The following SZT2 variants were observed in gnomAD, a reference collection of about 807,000 sequenced individuals.
SZT2 encodes the protein SZT2 subunit of KICSTOR complex, also known as KICSTOR complex protein SZT2.
A neutral mutation model predicts 404.2 loss-of-function variants in SZT2; 216 were observed. The observed-to-expected ratio is 0.53, with a 90% CI of 0.48 to 0.60. The LOEUF is 0.60. Among genes scored for constraint, SZT2 ranks in the 20% least tolerant of loss-of-function variants. The pLI, the probability that SZT2 is intolerant of heterozygous loss-of-function variation, is 0.00. For missense variants in SZT2, 3,857 were observed against 4,459.2 expected (o/e 0.86, Z 3.85); for synonymous variants, 1,693 against 1,749.9 (o/e 0.97, Z 0.81).
intron 65 of SZT2, 197 bp downstream of exon 65, chr1:43,446,613 T>A: frequency 1.5e-6 from 1 of 685,766 alleles, no homozygotes; most frequent in Non-Finnish European, 2.5e-6. Context: ...ACCCCATCGG[T>A]CATCCAAAGC....
intron 52 of SZT2, among the ~76,000 whole-genome samples, chr1:43,440,851 C>T (rs1262388785): frequency 6.6e-6 from 1 of 152,238 alleles, no homozygotes; most frequent in East Asian, 1.9e-4. Context: ...GCCTGGGCAA[C>T]ACACAAACAC....
intron 25 of SZT2, 26 bp downstream of exon 25, chr1:43,427,471 A>C: frequency 6.2e-7 from 1 of 1,611,976 alleles, no homozygotes; most frequent in African/African-American, 1.3e-5. Flanking sequence ...CAAGGTGGGC[A>C]GGAGTGGGAG....
intron 42 of SZT2, chr1:43,436,834 G>T (rs1570693592): frequency 3.1e-6 from 1 of 324,206 alleles, no homozygotes; most frequent in East Asian, 6.2e-5. Context: ...AGGACATAGT[G>T]TTAGAGTGCT....
In SZT2 at chr1:43,453,793, T is replaced by C. The variant is rs967666171; in HGVS notation, c.*3313T>C. 7.9e-7 allele frequency: 1 copy of C among 1,267,264 alleles called. No individual in the cohort carries two copies. The highest frequency in any genetic ancestry group is 9.9e-7 in the Non-Finnish European group (1 of 1,009,556). 78.5% of individuals were successfully genotyped at this position (1,267,264 alleles called of 1,614,324 possible). On this transcript the variant is annotated 3_prime_UTR_variant, in exon 72 of 72. Coordinates refer to ENST00000634258, the MANE Select transcript of SZT2 (RefSeq NM_001365999.1). ...TTGGCGGAGAAGCGCAGCGGCGCCA[T>C]GCCTGGGGAGGCCGGGCCGGGCGGA...
Position 43,442,720 on chromosome 1 carries a change from A to T in SZT2, c.8152-99A>T. On this transcript the variant is annotated intron_variant, in intron 58 of 71. Transcript: ENST00000634258. The surrounding 1 kb of genome is among the most constrained non-coding windows in gnomAD (Gnocchi z 4.5). ...GAAAGATGGGACAGACTGAGGGCAG[A>T]GGTAGTGGGGAGGGAGAGTCTGAGA... 1.3e-6 allele frequency: 2 copies of T among 1,535,418 alleles called. No individual in the cohort carries two copies. Among genetic ancestry groups the T allele is most frequent in the East Asian group, 4.5e-5 (2 of 44,258 alleles).
intron 26 of SZT2, 128 bp downstream of exon 26, chr1:43,427,862 C>T (rs1374829759): frequency 1.0e-5 from 14 of 1,348,338 alleles, no homozygotes; most frequent in Non-Finnish European, 3.1e-6. Context: ...CTTGATTTCC[C>T]TCAGCAAACC....
Position 43,403,241 on chromosome 1 carries a change from G to A in SZT2, c.92G>A (p.Arg31His), listed in dbSNP as rs772662249. 1.4e-5 allele frequency: 23 copies of A among 1,613,972 alleles called. No individual in the cohort carries two copies. The highest frequency in any genetic ancestry group is 2.7e-5 in the African/African-American group (2 of 74,906). The change falls in exon 2 of 72, where the codon CGC becomes CAC. Residue 31 changes from arginine to histidine, a missense_variant. This residue lies in a region of SZT2 where 536 missense variants were observed against 637.4 expected (regional missense o/e 0.84). Transcript: ENST00000634258. ...GATTATCGAATCTCCCGAAATGTTC[G>A]CCTGGCTTGGTTCCTCAGTCATCTG... ...KKDYRISRNVRLAWFLSHLHQ... is the reference protein window; with the variant it reads ...KKDYRISRNVHLAWFLSHLHQ...
rs765828066 is a variant in SZT2 at position 43,443,753 on chromosome 1, G to A, written c.8782G>A (p.Gly2928Ser). 1.9e-6 allele frequency: 3 copies of A among 1,614,136 alleles called. No homozygotes were observed. The Admixed American group carries it at 5.0e-5, about 27-fold the overall frequency. ...ATATGTGCAGTATCTGCAGAGCATA[G>A]GTTTTGTGCTGGTACCACTGCGGCC... ...QQYVQYLQSI[G>S]FVLVPLRPPS... The change falls in exon 62 of 72, where the codon GGT (glycine) becomes AGT (serine). Residue 2928 changes from glycine to serine, a missense_variant. Physicochemically the swap from Gly to Ser is moderately conservative, Grantham distance 56 (BLOSUM62 0). Coordinates refer to ENST00000634258, the MANE Select transcript of SZT2 (RefSeq NM_001365999.1).
In SZT2 at chr1:43,437,173, T is replaced by C; in HGVS notation, c.6037T>C (p.Tyr2013His). 6.2e-7 allele frequency: 1 copy of C among 1,614,146 alleles called. No homozygotes were observed. The highest frequency in any genetic ancestry group is 8.5e-7 in the Non-Finnish European group (1 of 1,180,038). Residue 2013 changes from tyrosine to histidine, a missense_variant and splice_region_variant, in exon 43 of 72, where the codon TAT becomes CAT. Coordinates refer to ENST00000634258, the MANE Select transcript of SZT2 (RefSeq NM_001365999.1). This position sits in a 1 kb window ranked among gnomAD's most constrained non-coding sequence, Gnocchi z 5.3. ...AATCCCTGCTCCCCCTCACCCAGATTATGCTGCTGATGAGAGCTGTGCGCC... is the reference window on the plus strand; with the variant it reads ...AATCCCTGCTCCCCCTCACCCAGATCATGCTGCTGATGAGAGCTGTGCGCC... ...RQRAPLPSDD[Y>H]AADESCAPRG... is the part of the protein sequence containing the mutation.
In SZT2 at chr1:43,420,433, C is replaced by A; in HGVS notation, c.1261+110C>A. The A allele has an allele frequency of 7.5e-7, 1 of 1,330,428 alleles. No individual in the cohort carries two copies. Among genetic ancestry groups the A allele is most frequent in the Non-Finnish European group, 1.0e-6 (1 of 1,000,124 alleles). 82.4% of individuals were successfully genotyped at this position (1,330,428 alleles called of 1,614,324 possible). On this transcript the variant is annotated intron_variant, in intron 9 of 71. Transcript: ENST00000634258. The surrounding 1 kb of genome is among the most constrained non-coding windows in gnomAD (Gnocchi z 5.1). ...GAGTGTCACATTGAAGTCCTTATCA[C>A]TTGAGACAGTGGGTTTTGAATTGTC...
Position 43,425,668 on chromosome 1 carries a change from C to T in SZT2, c.2814+26C>T. On this transcript the variant is annotated intron_variant, in intron 19 of 71. Coordinates refer to ENST00000634258, the MANE Select transcript of SZT2 (RefSeq NM_001365999.1). The surrounding 1 kb of genome is among the most constrained non-coding windows in gnomAD (Gnocchi z 4.3). ...GTGAGTGTCCTCAGAACAGTACCCGCACCTCTCTCACTGGATTGGGGTGCC... is the reference window on the plus strand; with the variant it reads ...GTGAGTGTCCTCAGAACAGTACCCGTACCTCTCTCACTGGATTGGGGTGCC... 2 of 1,611,448 alleles carry T rather than the reference C, an allele frequency of 1.2e-6. No individual in the cohort carries two copies. The highest frequency in any genetic ancestry group is 1.1e-5 in the South Asian group (1 of 90,976).
intron 15 of SZT2, among the ~76,000 whole-genome samples, chr1:43,423,621 T>C (rs1652740694): frequency 7.7e-6 from 1 of 130,122 alleles, no homozygotes; most frequent in African/African-American, 3.0e-5. Context: ...GTGGAGGGCA[T>C]GGCTTAGCCC....
In SZT2 at chr1:43,406,245, A is replaced by C. The variant is rs549124571; in HGVS notation, c.498+1695A>C. The C allele has an allele frequency of 5.5e-5, 18 of 324,834 alleles. No homozygotes were observed. The East Asian group carries it at 2.3e-3, about 42-fold the overall frequency. The allele number at this position is 324,834 out of a possible 1,614,324, so 20.1% of individuals were successfully genotyped here. A position where few individuals can be genotyped will look rare whatever the true frequency, so the allele number is the denominator to read the frequency against. On this transcript the variant is annotated intron_variant, in intron 4 of 71. Coordinates refer to ENST00000634258, the MANE Select transcript of SZT2 (RefSeq NM_001365999.1). ...TGGGATTACAGGTGCCCACTACCAC[A>C]CCCGGCTAATTTTTGTTTTTTTTGT...
chr1:43,414,235 G>A (rs974097130), intron 4 of SZT2, among the ~76,000 whole-genome samples: 14 of 151,866 alleles, frequency 9.2e-5, no homozygotes, highest in African/African-American at 1.5e-4. Flanking sequence ...AGCCAAGATC[G>A]CACCTGCACT....
intron 29 of SZT2, 78 bp downstream of exon 29, chr1:43,429,922 G>A (rs1006320279): frequency 6.2e-7 from 1 of 1,611,860 alleles, no homozygotes; most frequent in African/African-American, 1.3e-5. Context: ...CCTGGGCGGG[G>A]GGTATGCATG....
chr1:43,434,607 T>C, intron 41 of SZT2, 122 bp downstream of exon 41: 1 of 895,232 alleles, frequency 1.1e-6, no homozygotes, highest in Non-Finnish European at 1.7e-6. Context: ...AGTTTTTGAC[T>C]TCCCCAGTTA....
Position 43,439,373 on chromosome 1 carries a change from C to T in SZT2, c.6808C>T (p.Gln2270Ter). 6.2e-7 allele frequency: 1 copy of T among 1,614,072 alleles called. No homozygotes were observed. Among genetic ancestry groups the T allele is most frequent in the Non-Finnish European group, 8.5e-7 (1 of 1,180,002 alleles). Residue 2270 changes from glutamine to a stop codon, truncating the protein, a stop_gained, in exon 49 of 72, where the codon CAG becomes TAG. Transcript: ENST00000634258. LOFTEE classifies it high-confidence loss of function. This position sits in a 1 kb window ranked among gnomAD's most constrained non-coding sequence, Gnocchi z 4.2. Reference sequence around the variant, plus strand: ...CTTTCCCCAGCATCCACTCCCACCACAGGGTGGCCTCCCTGACTTGGACAT... The same window carrying T: ...CTTTCCCCAGCATCCACTCCCACCATAGGGTGGCCTCCCTGACTTGGACAT... ...RNHFQHPLPP[Q>*]GGLPDLDIYL...
rs774872405 is a variant in SZT2 at position 43,451,199 on chromosome 1, C to A, written c.*719C>A. 15 of 1,579,724 alleles carry A rather than the reference C, an allele frequency of 9.5e-6. No homozygotes were observed. Among genetic ancestry groups the A allele is most frequent in the Non-Finnish European group, 1.1e-5 (13 of 1,148,890 alleles). ...TAATGCAGAGGAGGAGATGGGATGT[C>A]ACTCGCTGTCTGGAGGCACGTGGGT... On this transcript the variant is annotated 3_prime_UTR_variant, in exon 72 of 72. Coordinates refer to ENST00000634258, the MANE Select transcript of SZT2 (RefSeq NM_001365999.1).
At position 43,440,563 on chromosome 1, in the gene SZT2, C is replaced by T. The variant is rs1029712355; in HGVS notation, c.7321C>T (p.Arg2441Trp). 6.2e-7 allele frequency: 1 copy of T among 1,602,980 alleles called. No individual in the cohort carries two copies. Among genetic ancestry groups the T allele is most frequent in the Non-Finnish European group, 8.5e-7 (1 of 1,175,094 alleles). ...TGTGACTCCACCCAGCAAAGCGGGCCGGCGTAGCTTCTGGGATATGCTGGT... is the reference window on the plus strand; with the variant it reads ...TGTGACTCCACCCAGCAAAGCGGGCTGGCGTAGCTTCTGGGATATGCTGGT... Reference protein sequence around the residue: ...EPVTPPSKAGRRSFWDMLSKT... With the variant: ...EPVTPPSKAGWRSFWDMLSKT... Residue 2441 changes from arginine (R) to tryptophan (W), a missense_variant, in exon 52 of 72, where the codon CGG becomes TGG. This residue lies in a region of SZT2 where 573 missense variants were observed against 592.4 expected (regional missense o/e 0.97). Transcript: ENST00000634258.
Sources: allele counts gnomAD v4.1 joint callset (sites outside exome capture counted in the v4.1 genomes callset), GRCh38; gene constraint gnomAD v4.1.1; regional missense constraint gnomAD v4.1.1; non-coding constraint Gnocchi (gnomAD v3.1); transcripts MANE v1.5; gene names NCBI Gene and HGNC (gene_info 2026-07-23, HGNC 2026-07-21).